MRPL1: variants seen among roughly 807,000 people sequenced by gnomAD.
MRPL1 encodes the protein large ribosomal subunit protein uL1m.
Under a neutral mutation model 38.0 loss-of-function variants are expected in MRPL1, and 28 were observed. The ratio of observed to expected loss-of-function variants is 0.74; its 90% CI spans 0.55 to 1.01. The LOEUF (loss-of-function observed/expected upper bound fraction) is 1.01, where lower values mean the gene tolerates loss of function less well. MRPL1 is among the 50% of genes least tolerant of loss of function. The pLI, the probability that MRPL1 is intolerant of heterozygous loss-of-function variation, is 0.00. For missense variants in MRPL1, 358 were observed against 389.8 expected (o/e 0.92, Z 0.69); for synonymous variants, 123 against 126.7 (o/e 0.97, Z 0.20).
At chr4:77,869,396 A>G (rs1328362569) in intron 1 of MRPL1, among the ~76,000 whole-genome samples, 3 of 152,156 alleles carry the variant, frequency 2.0e-5, no homozygotes, top group African/African-American at 7.2e-5. Context: ...TAAAGGAGAT[A>G]AAATAATACA....
At chr4:77,901,743 A>C (rs1171232710) in intron 6 of MRPL1, among the ~76,000 whole-genome samples, 1 of 152,226 alleles carries the variant, frequency 6.6e-6, no homozygotes, top group Non-Finnish European at 1.5e-5. Flanking sequence ...AAATAGACTA[A>C]TCATCAAGTA....
At chr4:77,945,857 TAAAGATCACAAGGCAAAGGGCAAAGC>T (rs1737251011) in intron 7 of MRPL1, among the ~76,000 whole-genome samples, 1 of 152,000 alleles carries the variant, frequency 6.6e-6, no homozygotes, top group African/African-American at 2.4e-5. Context: ...CTGAGGCCAA[TAAAGATCACAAGGCAAAGGGCAAAGC>T]AAAGATCACA....
intron 1 of MRPL1, among the ~76,000 whole-genome samples, chr4:77,870,458 ATC>A (rs1416539943): frequency 1.2e-4 from 18 of 152,352 alleles, no homozygotes; most frequent in East Asian, 5.8e-4. Context: ...ATATGAAGTG[ATC>A]TCTCAAATGT....
intron 7 of MRPL1, among the ~76,000 whole-genome samples, chr4:77,921,057 C>T (rs1400458000): frequency 1.3e-5 from 2 of 152,218 alleles, no homozygotes; most frequent in East Asian, 3.8e-4. Context: ...CTGCGCCCGG[C>T]CCCATTCATT....
intron 1 of MRPL1, among the ~76,000 whole-genome samples, chr4:77,871,022 A>G (rs1189922854): frequency 6.6e-6 from 1 of 152,144 alleles, no homozygotes; most frequent in African/African-American, 2.4e-5. Flanking sequence ...AAATTTTGGG[A>G]TACATATACA....
chr4:77,925,208 A>G (rs141111039), intron 7 of MRPL1, among the ~76,000 whole-genome samples: 3,011 of 152,254 alleles, frequency 0.02, 96 homozygotes, highest in African/African-American at 0.067. Flanking sequence ...GAGGCTAGGG[A>G]TATTTTCATA....
chr4:77,866,962 G>A (rs1251562042), intron 1 of MRPL1, among the ~76,000 whole-genome samples: 1 of 151,874 alleles, frequency 6.6e-6, no homozygotes, highest in Non-Finnish European at 1.5e-5. Flanking sequence ...TGGCCAGGCT[G>A]GTCTCGACCT....
At chr4:77,881,210 A>G (rs978521429) in intron 2 of MRPL1, among the ~76,000 whole-genome samples, 3 of 152,198 alleles carry the variant, frequency 2.0e-5, no homozygotes, top group African/African-American at 7.2e-5. Flanking sequence ...AAAGGGCTTG[A>G]ATGGAAAGGA....
rs969402527 is a variant in MRPL1 at position 77,863,461 on chromosome 4, A to ATTT, written c.31+601_31+603dup. Among the ~76,000 whole-genome samples the ATTT allele has an allele frequency of 2.8e-4, 32 of 112,650 alleles. 2 individuals are homozygous for ATTT. Among genetic ancestry groups the ATTT allele is most frequent in the African/African-American group, 4.6e-4 (12 of 26,132 alleles). The allele number at this position is 112,650 out of a possible 152,430, so 73.9% of individuals were successfully genotyped here. ...GATGACAGCCCTTTCTTGTGCAACAATTTTTTTTTTTTTTTTTTTTTGAGA... is the reference window on the plus strand; with the variant it reads ...GATGACAGCCCTTTCTTGTGCAACAATTTTTTTTTTTTTTTTTTTTTTTTGAGA... On this transcript the variant is annotated intron_variant, in intron 1 of 8. Transcript: ENST00000315567.
intron 7 of MRPL1, among the ~76,000 whole-genome samples, chr4:77,933,186 T>A (rs1193500899): frequency 1.3e-5 from 2 of 152,120 alleles, no homozygotes; most frequent in East Asian, 3.9e-4. Flanking sequence ...TCTCAAGTGA[T>A]CCTCCAGCCT....
At chr4:77,907,468 T>TTCTC (rs950472277) in intron 6 of MRPL1, among the ~76,000 whole-genome samples, 4 of 149,470 alleles carry the variant, frequency 2.7e-5, no homozygotes, top group African/African-American at 7.4e-5. Flanking sequence ...TCATGGGTCT[T>TTCTC]TCTCTCTCTC....
chr4:77,918,673 G>GGA (rs1425762277), intron 7 of MRPL1, among the ~76,000 whole-genome samples: 2 of 152,058 alleles, frequency 1.3e-5, no homozygotes, highest in African/African-American at 4.8e-5. Flanking sequence ...AAAGAAGAGG[G>GGA]GAGAGATTTG....
At chr4:77,923,039 G>T (rs956736312) in intron 7 of MRPL1, among the ~76,000 whole-genome samples, 2 of 152,108 alleles carry the variant, frequency 1.3e-5, no homozygotes, top group African/African-American at 4.8e-5. Flanking sequence ...TTATGTAAAT[G>T]AATAGTTTTT....
chr4:77,912,554 A>G (rs143348998), intron 7 of MRPL1, among the ~76,000 whole-genome samples: 171 of 152,286 alleles, frequency 1.1e-3, no homozygotes, highest in African/African-American at 2.9e-3. Flanking sequence ...AGAAAAATAA[A>G]AAATCTAAAT....
In MRPL1 at chr4:77,862,892, G is replaced by T. The variant is rs771767532; in HGVS notation, c.31+13G>T. On this transcript the variant is annotated intron_variant, in intron 1 of 8. Transcript: ENST00000315567. ...TGCATGGGTAGAGGTAAGGCGAGGG[G>T]TTGTCTTGCAGGGGAAATGGCTCTG... is the stretch of plus-strand genomic sequence containing the variant. 17 of 1,614,146 alleles carry T rather than the reference G, an allele frequency of 1.1e-5. 1 individual carries two copies. In the Admixed American group the frequency reaches 1.5e-4, roughly 14 times the overall value.
chr4:77,932,065 A>G (rs1017270076), intron 7 of MRPL1, among the ~76,000 whole-genome samples: 4 of 152,222 alleles, frequency 2.6e-5, no homozygotes, highest in Non-Finnish European at 5.9e-5. Flanking sequence ...TTGGCAGCAC[A>G]TTCAGTGATA....
At chr4:77,868,718 A>AATAGGGGAAAATGTC (rs1316605140) in intron 1 of MRPL1, among the ~76,000 whole-genome samples, 1 of 152,180 alleles carries the variant, frequency 6.6e-6, no homozygotes, top group Admixed American at 6.5e-5. Flanking sequence ...AGTGGAAAGC[A>AATAGGGGAAAATGTC]ATAGGGGAAA....
chr4:77,910,429 G>C (rs1736259341), intron 7 of MRPL1, among the ~76,000 whole-genome samples: 1 of 152,162 alleles, frequency 6.6e-6, no homozygotes, highest in Admixed American at 6.6e-5. Context: ...TATAGAAAAA[G>C]CTGAGTGACA....
chr4:77,916,438 A>C (rs1224810372), intron 7 of MRPL1, among the ~76,000 whole-genome samples: 2 of 152,196 alleles, frequency 1.3e-5, no homozygotes, highest in Non-Finnish European at 2.9e-5. Context: ...ATAAAGAAAC[A>C]CCAGAGCCCC....
Sources: gnomAD v4.1 joint callset for allele counts (sites outside exome capture counted in the v4.1 genomes callset) on GRCh38, gnomAD v4.1.1 for gene constraint, MANE v1.5 for transcripts, NCBI Gene and HGNC (gene_info 2026-07-23, HGNC 2026-07-21) for gene names.